Variants in IGSF10 observed in about 807,000 individuals in gnomAD.
The protein encoded by IGSF10 is immunoglobulin superfamily member 10.
In IGSF10, 126 loss-of-function variants were observed where a neutral mutation model predicts 128.2. The ratio of observed to expected loss-of-function variants is 0.98; its 90% CI spans 0.85 to 1.14. IGSF10 has a LOEUF of 1.14. IGSF10 is among the 50% of genes most tolerant of loss of function. The pLI, the probability that IGSF10 is intolerant of heterozygous loss-of-function variation, is 0.00. For missense variants in IGSF10, 3,295 were observed against 3,149.8 expected (o/e 1.05, Z -1.10); for synonymous variants, 1,185 against 1,146.2 (o/e 1.03, Z -0.68).
chr3:151,514,048 A>G, the IGSF10 span, among the ~76,000 whole-genome samples: 2 of 152,286 alleles, frequency 1.3e-5, no homozygotes, highest in East Asian at 3.9e-4. Context: ...CATGCTGCCC[A>G]AGGTAATTTA....
chr3:151,502,402 A>C, the IGSF10 span, among the ~76,000 whole-genome samples: 1 of 152,020 alleles, frequency 6.6e-6, no homozygotes, highest in African/African-American at 2.4e-5. Flanking sequence ...GAGCCTATGG[A>C]GTGACGCTTG....
chr3:151,599,822 T>G, the IGSF10 span, among the ~76,000 whole-genome samples: 1 of 152,202 alleles, frequency 6.6e-6, no homozygotes. Flanking sequence ...CCTAAAATAG[T>G]TACTACCTGA....
At chr3:151,505,522 T>C in the IGSF10 span, among the ~76,000 whole-genome samples, 1 of 152,150 alleles carries the variant, frequency 6.6e-6, no homozygotes, top group South Asian at 2.1e-4. Flanking sequence ...TTCAAAATTA[T>C]CAGGTGAAAA....
the IGSF10 span, among the ~76,000 whole-genome samples, chr3:151,514,158 T>C: frequency 5.3e-5 from 8 of 152,106 alleles, no homozygotes; most frequent in East Asian, 1.9e-4. Context: ...GAGCCCGCAT[T>C]GCCAAGTCAA....
intron 3 of IGSF10, among the ~76,000 whole-genome samples, 193 bp downstream of exon 3, chr3:151,458,323 T>C (rs2108577793): frequency 6.6e-6 from 1 of 152,286 alleles, no homozygotes; most frequent in Admixed American, 6.5e-5. Context: ...AGAAGAACTT[T>C]CTCCTAATAA....
the IGSF10 span, among the ~76,000 whole-genome samples, chr3:151,532,579 CAT>C: frequency 4.6e-5 from 7 of 152,290 alleles, no homozygotes; most frequent in African/African-American, 1.7e-4. Context: ...ATAAAAACCA[CAT>C]GATTATCTCA....
At chr3:151,564,445 T>G in the IGSF10 span, among the ~76,000 whole-genome samples, 1 of 152,134 alleles carries the variant, frequency 6.6e-6, no homozygotes, top group Non-Finnish European at 1.5e-5. Context: ...TCTCTTTGTT[T>G]CCTCCTTTCT....
the IGSF10 span, among the ~76,000 whole-genome samples, chr3:151,555,571 T>C: frequency 5.7e-3 from 867 of 152,232 alleles, 6 homozygotes; most frequent in Admixed American, 0.01. Context: ...CTGCTAGGAA[T>C]CATAAGGGTC....
the IGSF10 span, among the ~76,000 whole-genome samples, chr3:151,590,810 G>A: frequency 1.3e-5 from 2 of 152,176 alleles, no homozygotes; most frequent in African/African-American, 4.8e-5. Context: ...CTGAAGTAAC[G>A]TTTTCATATA....
rs751775632 is a variant in IGSF10 at position 151,443,555 on chromosome 3, CA to C, written c.5391del (p.Val1798TrpfsTer2). ...VSESSQGSRQ[A>X]VVTVDGTLVL... The stretch of plus-strand genomic sequence containing the variant: ...ACCAATGTTCCGTCAACCGTCACCA[CA>C]GCCTGCCTACTTCCCTGGGATGATT... On this transcript the variant is annotated frameshift_variant, in exon 7 of 8. Transcript: ENST00000282466. LOFTEE classifies it high-confidence loss of function. The C allele has an allele frequency of 2.7e-5, 44 of 1,614,124 alleles. No individual in the cohort carries two copies. Among genetic ancestry groups the C allele is most frequent in the Non-Finnish European group, 3.3e-5 (39 of 1,180,050 alleles).
At chr3:151,522,214 A>G in the IGSF10 span, among the ~76,000 whole-genome samples, 5 of 152,102 alleles carry the variant, frequency 3.3e-5, no homozygotes, top group South Asian at 2.1e-4. Flanking sequence ...TAGCTTGCCA[A>G]CCAAAAAAAT....
upstream of IGSF10, among the ~76,000 whole-genome samples, chr3:151,464,821 G>A (rs190660352): frequency 1.2e-4 from 18 of 152,288 alleles, no homozygotes; most frequent in African/African-American, 4.1e-4. Context: ...GCCATGAAGA[G>A]ACATAATGCA....
At chr3:151,619,566 C>T in the IGSF10 span, among the ~76,000 whole-genome samples, 1 of 150,718 alleles carries the variant, frequency 6.6e-6, no homozygotes, top group East Asian at 1.9e-4. Context: ...GTATTTTTTC[C>T]AGTTTTTAAT....
chr3:151,571,683 T>C, the IGSF10 span, among the ~76,000 whole-genome samples: 1 of 152,230 alleles, frequency 6.6e-6, no homozygotes, highest in Non-Finnish European at 1.5e-5. Context: ...CAATTTGACT[T>C]CCTCTTTTCC....
the IGSF10 span, among the ~76,000 whole-genome samples, chr3:151,535,389 T>C: frequency 6.6e-6 from 1 of 152,172 alleles, no homozygotes; most frequent in Non-Finnish European, 1.5e-5. Context: ...TTCTCACTTA[T>C]AAGTGGGAAC....
At chr3:151,442,531 C>T (rs1317631147) in intron 7 of IGSF10, among the ~76,000 whole-genome samples, 1 of 148,694 alleles carries the variant, frequency 6.7e-6, no homozygotes, top group Non-Finnish European at 1.5e-5. Flanking sequence ...AGGCGCCCGG[C>T]CACCATGCCC....
At chr3:151,451,332 A>G (rs778425847) in intron 5 of IGSF10, among the ~76,000 whole-genome samples, 5 of 152,166 alleles carry the variant, frequency 3.3e-5, no homozygotes, top group African/African-American at 4.8e-5. Flanking sequence ...CCTGTTTTAT[A>G]GTCTCTGGGT....
chr3:151,438,334 T>TCA lies in IGSF10; in HGVS notation c.6225_6226dup (p.Asp2076ValfsTer5). On this transcript the variant is annotated frameshift_variant, in exon 8 of 8. Coordinates refer to ENST00000282466, the MANE Select transcript of IGSF10 (RefSeq NM_178822.5). LOFTEE classifies it low-confidence loss of function (END_TRUNC). Reference sequence around the variant, plus strand: ...CATTGCATTGTTGATCATGGTTCCATCAGGCAAACTCCAAGATATCTCTGG... The same window carrying TCA: ...CATTGCATTGTTGATCATGGTTCCATCACAGGCAAACTCCAAGATATCTCTGG... The TCA allele has an allele frequency of 1.2e-6, 2 of 1,614,214 alleles. No individual in the cohort carries two copies. The highest frequency in any genetic ancestry group is 1.7e-6 in the Non-Finnish European group (2 of 1,180,020).
At chr3:151,444,254 A>G (rs1721050497) in intron 6 of IGSF10, among the ~76,000 whole-genome samples, 1 of 152,224 alleles carries the variant, frequency 6.6e-6, no homozygotes, top group Non-Finnish European at 1.5e-5. Flanking sequence ...GACCAAAAAA[A>G]AAAAATTAGG....
Sources: allele counts gnomAD v4.1 joint callset (sites outside exome capture counted in the v4.1 genomes callset), GRCh38; gene constraint gnomAD v4.1.1; transcripts MANE v1.5; gene names NCBI Gene and HGNC (gene_info 2026-07-23, HGNC 2026-07-21).